Variants in TRIM66 observed in about 807,000 individuals in gnomAD.
TRIM66 encodes tripartite motif-containing protein 66.
TRIM66 carries 99 observed loss-of-function variants against 148.2 expected under a neutral mutation model. That is an observed-to-expected ratio of 0.67 (90% CI 0.57 to 0.79). The LOEUF is 0.79. Among genes scored for constraint, TRIM66 ranks in the 30% least tolerant of loss-of-function variants. The pLI is 0.00. For synonymous variants in TRIM66, 616 were observed against 635.9 expected (o/e 0.97, Z 0.47); for missense variants, 1,666 against 1,697.9 (o/e 0.98, Z 0.33).
chr11:8,683,161 C>G (rs760857841), upstream of TRIM66: 22 of 1,600,356 alleles, frequency 1.4e-5, no homozygotes, highest in East Asian at 4.2e-4. Flanking sequence ...GCCCCCTGCC[C>G]CTAATTCCTT....
chr11:8,648,149 A>G (rs2037034143), intron 9 of TRIM66, 63 bp from the exon 10 acceptor site: 3 of 1,376,938 alleles, frequency 2.2e-6, no homozygotes, highest in South Asian at 1.2e-5. Context: ...ATGCCAACCA[A>G]GCGGGAATCT....
Position 8,624,547 on chromosome 11 carries a change from T to A in TRIM66, c.2831A>T (p.Glu944Val). 6.6e-7 allele frequency: 1 copy of A among 1,523,288 alleles called. No individual in the cohort carries two copies. The highest frequency in any genetic ancestry group is 8.8e-7 in the Non-Finnish European group (1 of 1,136,176). 94.4% of individuals were successfully genotyped at this position (1,523,288 alleles called of 1,614,324 possible). ...AGTGAAGCGAGTGGAATCCTCACTTTCCATCTTTCAAAAGTGAAATGTCGA... is the reference window on the plus strand; with the variant it reads ...AGTGAAGCGAGTGGAATCCTCACTTACCATCTTTCAAAAGTGAAATGTCGA... ...PSLENALCKMESEDSTRFTDL... is the reference protein window; with the variant it reads ...PSLENALCKMVSEDSTRFTDL... The change falls in exon 17 of 25, where the codon GAA becomes GTA. Residue 944 changes from glutamate to valine, a missense_variant. Around this residue, in one of 3 missense-constraint regions of TRIM66, gnomAD observed 1,431 missense variants for 1,412.4 expected, o/e 1.01. Coordinates refer to ENST00000646038, the MANE Select transcript of TRIM66 (RefSeq NM_001388022.1).
chr11:8,645,868 T>C lies in TRIM66; in HGVS notation c.977A>G (p.Lys326Arg), dbSNP rs1266186622. 1.3e-6 allele frequency: 2 copies of C among 1,551,552 alleles called. No homozygotes were observed. Among genetic ancestry groups the C allele is most frequent in the African/African-American group, 2.7e-5 (2 of 73,046 alleles). Residue 326 changes from lysine (K) to arginine (R), a missense_variant, in exon 12 of 25, where the codon AAG (lysine) becomes AGG (arginine). Physicochemically the swap from Lys to Arg is conservative, Grantham distance 26. This residue lies in a region of TRIM66 where 1,431 missense variants were observed against 1,412.4 expected (regional missense o/e 1.01). Coordinates refer to ENST00000646038, the MANE Select transcript of TRIM66 (RefSeq NM_001388022.1). Reference sequence around the variant, plus strand: ...CTGTAACTGCTGTTCCAGCTTCCGCTTTCTCTCATTAGTAATCCCCTGGGT... The same window carrying C: ...CTGTAACTGCTGTTCCAGCTTCCGCCTTCTCTCATTAGTAATCCCCTGGGT... ...EELEGITNER[K>R]RKLEQQLQSI...
chr11:8,624,103 C>G (rs2034571367), intron 17 of TRIM66, among the ~76,000 whole-genome samples: 4 of 152,174 alleles, frequency 2.6e-5, no homozygotes, highest in Admixed American at 2.6e-4. Flanking sequence ...ATAATGCAGA[C>G]CCCCAGGACT....
chr11:8,680,467 G>C, intron 1 of TRIM66, among the ~76,000 whole-genome samples: 1 of 152,086 alleles, frequency 6.6e-6, no homozygotes, highest in Non-Finnish European at 1.5e-5. Context: ...AGGGCACTAA[G>C]GCTTAAACAG....
In TRIM66 at chr11:8,612,743, T is replaced by G. The variant is rs1005336630; in HGVS notation, c.*5201A>C. 6.7e-6 allele frequency: 1 copy of G among 149,192 alleles called. No homozygotes were observed. The highest frequency in any genetic ancestry group is 2.1e-4 in the South Asian group (1 of 4,822). The allele number at this position is 149,192 out of a possible 1,614,324, so 9.2% of individuals were successfully genotyped here. A position where few individuals can be genotyped will look rare whatever the true frequency, so the allele number is the denominator to read the frequency against. ...CTAGTCTCCCTCCATCCGAATGTTA[T>G]CAGCAGCAGGCACCCACCCTGCCAG... On this transcript the variant is annotated 3_prime_UTR_variant, in exon 25 of 25. Transcript: ENST00000646038.
At chr11:8,674,434 A>C (rs2039083725) in intron 4 of TRIM66, among the ~76,000 whole-genome samples, 1 of 152,046 alleles carries the variant, frequency 6.6e-6, no homozygotes, top group South Asian at 2.1e-4. Context: ...CCTAGGCTGG[A>C]GGGCAGTCGT....
At chr11:8,657,694 G>A (rs1340128641) in intron 6 of TRIM66, among the ~76,000 whole-genome samples, 2 of 151,902 alleles carry the variant, frequency 1.3e-5, no homozygotes, top group African/African-American at 4.8e-5. Flanking sequence ...GGCAGCCCCA[G>A]TCTACTGAGC....
chr11:8,640,407 C>G lies in TRIM66; in HGVS notation c.1968G>C (p.Lys656Asn). 2 of 1,551,848 alleles carry G rather than the reference C, an allele frequency of 1.3e-6. No individual in the cohort carries two copies. The highest frequency in any genetic ancestry group is 1.7e-6 in the Non-Finnish European group (2 of 1,147,074). ...CCTTCTGCATTTCCTCCAGCTCAAA[C>G]TTGTGATGCATTATGTCCATGTTCT... The part of the protein sequence containing the change: ...CSQNMDIMHH[K>N]FELEEMQKDL... Residue 656 changes from lysine to asparagine, a missense_variant, in exon 14 of 25, where the codon AAG becomes AAC. Lys to Asn is a moderately conservative substitution (Grantham distance 94). Transcript: ENST00000646038.
intron 6 of TRIM66, among the ~76,000 whole-genome samples, chr11:8,671,477 T>C (rs2038927258): frequency 6.6e-6 from 1 of 152,240 alleles, no homozygotes; most frequent in Non-Finnish European, 1.5e-5. Flanking sequence ...GGAGATTTAG[T>C]GAGTCAGAAC....
chr11:8,620,376 G>C lies in TRIM66; in HGVS notation c.3672+70C>G, dbSNP rs1565471302. 2.6e-6 allele frequency: 4 copies of C among 1,538,430 alleles called. No individual in the cohort carries two copies. In the East Asian group the frequency reaches 7.4e-5, roughly 28 times the overall value. On this transcript the variant is annotated intron_variant, in intron 21 of 24. Coordinates refer to ENST00000646038, the MANE Select transcript of TRIM66 (RefSeq NM_001388022.1). ...AAAAGCCCCTCATCCCCTCTCAAAG[G>C]CCTCAGACCCTGTAGGCAGAAGGGG...
chr11:8,680,440 G>C (rs1176486153), intron 1 of TRIM66, among the ~76,000 whole-genome samples: 1 of 117,940 alleles, frequency 8.5e-6, no homozygotes, highest in Admixed American at 9.0e-5. Context: ...AGATATGATG[G>C]GGGCCTGAAT....
chr11:8,661,541 CAG>C (rs1252522724), intron 6 of TRIM66, among the ~76,000 whole-genome samples: 1 of 152,178 alleles, frequency 6.6e-6, no homozygotes, highest in Non-Finnish European at 1.5e-5. Context: ...GGCCTGGAGA[CAG>C]AGAGTCATTT....
chr11:8,677,351 G>A (rs547868690), intron 3 of TRIM66, among the ~76,000 whole-genome samples: 1 of 152,268 alleles, frequency 6.6e-6, no homozygotes, highest in South Asian at 2.1e-4. Flanking sequence ...CTGGCACCTA[G>A]CATAGGAACA....
At position 8,622,355 on chromosome 11, in the gene TRIM66, C is replaced by CATATATATATATAT. The variant is rs1402167348; in HGVS notation, c.3080+460_3080+461insATATATATATATAT. Among the ~76,000 whole-genome samples the CATATATATATATAT allele has an allele frequency of 1.1e-4, 6 of 53,220 alleles. 1 individual carries two copies. The highest frequency in any genetic ancestry group is 2.1e-4 in the Non-Finnish European group (4 of 19,312). The allele number at this position is 53,220 out of a possible 152,430, so 34.9% of individuals were successfully genotyped here. ...CACACACACAACACACACACACACA[C>CATATATATATATAT]ACACACACACATATATATATATATA... On this transcript the variant is annotated intron_variant, in intron 18 of 24. Transcript: ENST00000646038.
In TRIM66 at chr11:8,625,030, T is replaced by C; in HGVS notation, c.2509A>G (p.Met837Val). Residue 837 changes from methionine to valine, a missense_variant, in exon 16 of 25, where the codon ATG (methionine) becomes GTG (valine). Transcript: ENST00000646038. ...SSLTSVQNQAMPSLTTSHLQT... is the reference protein window; with the variant it reads ...SSLTSVQNQAVPSLTTSHLQT... The stretch of plus-strand genomic sequence containing the variant: ...AGGTGACTGGTTGTCAGGCTGGGCA[T>C]GGCCTGGTTTTGAACACTTGTCAGG... 2 of 1,551,706 alleles carry C rather than the reference T, an allele frequency of 1.3e-6. No individual in the cohort carries two copies. Among genetic ancestry groups the C allele is most frequent in the Non-Finnish European group, 1.7e-6 (2 of 1,146,972 alleles).
At chr11:8,682,740 GT>G, upstream of TRIM66, 1 of 1,603,214 alleles carries the variant, frequency 6.2e-7, no homozygotes, top group Admixed American at 1.7e-5. Flanking sequence ...GAAGTGAGGC[GT>G]TTTGCCCCGC....
intron 12 of TRIM66, 40 bp from the exon 13 acceptor site, chr11:8,643,166 C>T (rs768402738): frequency 7.2e-6 from 11 of 1,519,340 alleles, no homozygotes; most frequent in Admixed American, 2.0e-5. Flanking sequence ...GGGCATCTTG[C>T]ACCTAAATGA....
intron 12 of TRIM66, among the ~76,000 whole-genome samples, chr11:8,643,486 C>T (rs972745081): frequency 1.3e-5 from 2 of 151,914 alleles, no homozygotes; most frequent in Non-Finnish European, 2.9e-5. Context: ...ACTACAGGTG[C>T]CCGCCACCAC....
Sources: gnomAD v4.1 joint callset for allele counts (sites outside exome capture counted in the v4.1 genomes callset) on GRCh38, gnomAD v4.1.1 for gene constraint, gnomAD v4.1.1 regional missense constraint, MANE v1.5 for transcripts, NCBI Gene and HGNC (gene_info 2026-07-23, HGNC 2026-07-21) for gene names.